SLC9A7: variants seen among roughly 807,000 people sequenced by gnomAD.
SLC9A7 encodes solute carrier family 9 member A7.
SLC9A7 carries 19 observed loss-of-function variants against 52.6 expected under a neutral mutation model. That is an observed-to-expected ratio of 0.36 (90% confidence interval 0.25 to 0.53). The LOEUF is 0.53. Ranked by LOEUF, SLC9A7 falls within the 20% of genes least tolerant of loss-of-function variation. The pLI is 0.91. For missense variants in SLC9A7, 455 were observed against 597.9 expected (o/e 0.76, Z 2.49); for synonymous variants, 226 against 252.1 (o/e 0.90, Z 0.98).
intron 7 of SLC9A7, among the ~76,000 whole-genome samples, chrX:46,661,448 A>T (rs1653796503): frequency 8.9e-6 from 1 of 112,248 alleles, no homozygotes; most frequent in Non-Finnish European, 1.9e-5. Context: ...TACATGTTGG[A>T]ATGATGTGGT....
At chrX:46,657,239 GAAC>G (rs1247575167) in intron 7 of SLC9A7, among the ~76,000 whole-genome samples, 1 of 110,164 alleles carries the variant, frequency 9.1e-6, no homozygotes, top group Non-Finnish European at 1.9e-5. Flanking sequence ...ACATAGAAAG[GAAC>G]AACCGGTACC....
rs763463411 is a variant in SLC9A7 at position 46,604,428 on chromosome X, A to C, written c.*2524T>G. On this transcript the variant is annotated 3_prime_UTR_variant, in exon 17 of 17. Transcript: ENST00000616978. ...GGAAAGAGGAGAATAAAAATCATTC[A>C]ACTGTATTTTTTTTTTTTTTTTGAG... 1.4e-4 allele frequency: 15 copies of C among 107,087 alleles called. No homozygotes were observed. The highest frequency in any genetic ancestry group is 5.3e-4 in the African/African-American group (15 of 28,319). 8.8% of individuals were successfully genotyped at this position (107,087 alleles called of 1,213,427 possible). A position where few individuals can be genotyped will look rare whatever the true frequency, so the allele number is the denominator to read the frequency against.
chrX:46,633,336 TAAAAAAAAAAAAAAAAAAAAA>T (rs397836432), intron 13 of SLC9A7, among the ~76,000 whole-genome samples: 70 of 8,121 alleles, frequency 8.6e-3, no homozygotes, highest in African/African-American at 0.014. Context: ...TTGCTGCTGC[TAAAAAAAAAAAAAAAAAAAAA>T]AAAAAAAAAA....
chrX:46,702,226 A>G (rs1237176423), intron 1 of SLC9A7, among the ~76,000 whole-genome samples: 1 of 111,235 alleles, frequency 9.0e-6, no homozygotes, highest in Non-Finnish European at 1.9e-5. Flanking sequence ...CACTTTCTGG[A>G]TAATTTCTTC....
chrX:46,703,272 T>A lies in SLC9A7; in HGVS notation c.326-20737A>T, dbSNP rs188715506. ...CAGAAGCTCTTTAATCAGGTCCCAC[T>A]TGCCTACTTTTGGTTTTGTTGCAAT... On this transcript the variant is annotated intron_variant, in intron 1 of 16. Transcript: ENST00000616978. 2.7e-5 allele frequency among the ~76,000 whole-genome samples: 3 copies of A among 112,055 alleles called. No individual in the cohort carries two copies. In the East Asian group the frequency reaches 8.3e-4, roughly 31 times the overall value.
At chrX:46,707,110 C>A (rs1214866079) in intron 1 of SLC9A7, among the ~76,000 whole-genome samples, 1 of 111,656 alleles carries the variant, frequency 9.0e-6, no homozygotes, top group African/African-American at 3.3e-5. Context: ...AGTACTTTAC[C>A]TGAAAACCAC....
intron 13 of SLC9A7, among the ~76,000 whole-genome samples, chrX:46,634,132 T>C (rs1943280119): frequency 8.9e-6 from 1 of 112,117 alleles, no homozygotes; most frequent in Non-Finnish European, 1.9e-5. Flanking sequence ...TTTATGCTGT[T>C]TTATTATATC....
chrX:46,725,785 C>T (rs1236711029), intron 1 of SLC9A7: 3 of 839,922 alleles, frequency 3.6e-6, no homozygotes, highest in South Asian at 2.0e-5. Flanking sequence ...GGCAGTGGAG[C>T]CTTGGGTTTC....
intron 12 of SLC9A7, among the ~76,000 whole-genome samples, chrX:46,641,470 A>G (rs1943405006): frequency 8.9e-6 from 1 of 112,326 alleles, no homozygotes; most frequent in African/African-American, 3.2e-5. Context: ...AAACAGGAGC[A>G]GGAAGTAATC....
intron 1 of SLC9A7, among the ~76,000 whole-genome samples, chrX:46,749,846 C>T (rs1266283381): frequency 3.6e-5 from 4 of 110,913 alleles, no homozygotes; most frequent in African/African-American, 9.8e-5. Context: ...TTTGGGAGGC[C>T]GAGGTGGGCA....
chrX:46,738,519 CA>C (rs1475187647), intron 1 of SLC9A7, among the ~76,000 whole-genome samples: 2 of 112,163 alleles, frequency 1.8e-5, no homozygotes, highest in Non-Finnish European at 3.8e-5. Flanking sequence ...CCTGTAATCC[CA>C]GTACTTTGGG....
chrX:46,695,596 A>G (rs1365728404), intron 1 of SLC9A7, among the ~76,000 whole-genome samples: 2 of 111,803 alleles, frequency 1.8e-5, no homozygotes, highest in Non-Finnish European at 3.8e-5. Context: ...TCCCTAAGCT[A>G]GGCTAGGTTC....
chrX:46,644,059 G>A (rs916172468), intron 11 of SLC9A7, among the ~76,000 whole-genome samples: 1 of 112,259 alleles, frequency 8.9e-6, no homozygotes, highest in Non-Finnish European at 1.9e-5. Context: ...AATGAAAAGA[G>A]GGAAATTCTT....
At position 46,643,238 on chromosome X, in the gene SLC9A7, G is replaced by A. The variant is rs1943434502; in HGVS notation, c.1614C>T (p.Ile538=). The A allele has an allele frequency of 4.1e-6, 5 of 1,206,311 alleles. No homozygotes were observed. The highest frequency in any genetic ancestry group is 5.6e-6 in the Non-Finnish European group (5 of 891,501). The stretch of plus-strand genomic sequence containing the variant: ...ATTAGCCTTGGTTCCAAACCAACCT[G>A]ATGTTAAGCCATGACAACATGGGTG... ...GTTPMLSWLN[I]RVGVEEPSEE... is the part of the protein sequence containing the mutation. The change falls in exon 12 of 17, where the codon ATC becomes ATT. Residue 538 remains isoleucine, a splice_region_variant and synonymous_variant. Transcript: ENST00000616978.
chrX:46,671,835 T>C (rs1302200963), intron 4 of SLC9A7, among the ~76,000 whole-genome samples: 9 of 112,109 alleles, frequency 8.0e-5, no homozygotes, highest in Non-Finnish European at 3.8e-5. Flanking sequence ...ACTGTAAAGC[T>C]ACTCTTTTTT....
intron 16 of SLC9A7, among the ~76,000 whole-genome samples, chrX:46,609,898 C>T (rs6611273): frequency 0.33 from 35,775 of 107,712 alleles, 5,778 homozygotes; most frequent in African/African-American, 0.6. Context: ...CATAGTGGCA[C>T]GCAGCTGTAA....
intron 13 of SLC9A7, among the ~76,000 whole-genome samples, chrX:46,633,374 A>C (rs947606343): frequency 1.1e-4 from 11 of 98,949 alleles, no homozygotes; most frequent in African/African-American, 3.0e-4. Flanking sequence ...AAAAAAAAAA[A>C]AAAAAAACAG....
At chrX:46,683,378 T>C (rs1255087457) in intron 1 of SLC9A7, among the ~76,000 whole-genome samples, 1 of 111,479 alleles carries the variant, frequency 9.0e-6, no homozygotes, top group Non-Finnish European at 1.9e-5. Context: ...GAAATTCTTT[T>C]GCTTAGGTCA....
rs1434110665 is a variant in SLC9A7, at chrX:46,606,914, G to A, written c.*38C>T. ...GGCTTGCAGCTGTCCTCACCCCATC[G>A]GGAGCCTACCCCATCGCGCCAGGGC... On this transcript the variant is annotated 3_prime_UTR_variant, in exon 17 of 17. Transcript: ENST00000616978. 10 of 1,209,098 alleles carry A rather than the reference G, an allele frequency of 8.3e-6. No individual in the cohort carries two copies. Among genetic ancestry groups the A allele is most frequent in the South Asian group, 1.8e-5 (1 of 56,750 alleles).
Sources: allele counts gnomAD v4.1 joint callset (sites outside exome capture counted in the v4.1 genomes callset), GRCh38; gene constraint gnomAD v4.1.1; transcripts MANE v1.5; gene names NCBI Gene and HGNC (gene_info 2026-07-23, HGNC 2026-07-21).